Variants in RERE observed in about 807,000 individuals in gnomAD.
RERE encodes arginine-glutamic acid dipeptide repeats, also known as arginine-glutamic acid dipeptide repeats protein.
Under a neutral mutation model 146.1 loss-of-function variants are expected in RERE, and 40 were observed. The observed-to-expected ratio is 0.27, with a 90% CI of 0.21 to 0.36. The LOEUF (loss-of-function observed/expected upper bound fraction) is 0.36, where lower values mean the gene tolerates loss of function less well. Ranked by LOEUF, RERE falls within the 10% of genes least tolerant of loss-of-function variation. RERE has a pLI of 1.00. For missense variants in RERE, 1,933 were observed against 2,138.7 expected (o/e 0.90, Z 1.90); for synonymous variants, 1,003 against 866.0 (o/e 1.16, Z -2.78).
At position 8,679,389 on chromosome 1, in the gene RERE, T is replaced by C. The variant is rs1370746342; in HGVS notation, c.-144-22948A>G. 2.6e-5 allele frequency among the ~76,000 whole-genome samples: 4 copies of C among 152,164 alleles called. No homozygotes were observed. The East Asian group carries it at 7.7e-4, about 29-fold the overall frequency. On this transcript the variant is annotated intron_variant, in intron 1 of 22. Coordinates refer to ENST00000400908, the MANE Select transcript of RERE (RefSeq NM_001042681.2). ...CGAGGAAAAAAGAGCAAGAAACCAT[T>C]TTTTTCCACTACCTTTATCTATCAT...
At chr1:8,462,590 TCA>T (rs1644541319) in intron 11 of RERE, among the ~76,000 whole-genome samples, 1 of 152,246 alleles carries the variant, frequency 6.6e-6, no homozygotes, top group Non-Finnish European at 1.5e-5. Flanking sequence ...AGCAGGGAAC[TCA>T]CACCTTCAGG....
intron 1 of RERE, among the ~76,000 whole-genome samples, chr1:8,744,238 C>A (rs1640374610): frequency 6.6e-6 from 1 of 152,176 alleles, no homozygotes; most frequent in South Asian, 2.1e-4. Context: ...TGGGTGCTCA[C>A]GTACGTTTTA....
chr1:8,731,801 T>G (rs1640091657), intron 1 of RERE, among the ~76,000 whole-genome samples: 1 of 151,162 alleles, frequency 6.6e-6, no homozygotes, highest in Admixed American at 6.6e-5. Flanking sequence ...TGTTTGTTTG[T>G]TTGTTTTGTT....
At chr1:8,576,893 G>C (rs1646301203) in intron 4 of RERE, among the ~76,000 whole-genome samples, 1 of 152,178 alleles carries the variant, frequency 6.6e-6, no homozygotes, top group Non-Finnish European at 1.5e-5. Context: ...ATTTGTGCTG[G>C]GCACGGTGGC....
At chr1:8,378,535 C>T (rs892310050) in intron 12 of RERE, among the ~76,000 whole-genome samples, 18 of 152,084 alleles carry the variant, frequency 1.2e-4, no homozygotes, top group Non-Finnish European at 1.9e-4. Flanking sequence ...TAATCCAGTA[C>T]GACTGGTGTC....
At chr1:8,683,668 C>A (rs760375099) in intron 1 of RERE, among the ~76,000 whole-genome samples, 15 of 152,118 alleles carry the variant, frequency 9.9e-5, no homozygotes, top group Non-Finnish European at 2.1e-4. Context: ...ATTGACCAGG[C>A]GCAGTGGCTC....
intron 1 of RERE, among the ~76,000 whole-genome samples, chr1:8,803,394 C>T (rs12143686): frequency 0.52 from 78,978 of 151,832 alleles, 21,443 homozygotes; most frequent in East Asian, 0.83. Flanking sequence ...CGCTTGAACC[C>T]GGGAGGTGAA....
intron 12 of RERE, among the ~76,000 whole-genome samples, chr1:8,366,918 A>C (rs1392887764): frequency 6.0e-3 from 12 of 1,998 alleles, no homozygotes; most frequent in Non-Finnish European, 0.012. Flanking sequence ...AAAAAAAACA[A>C]AAAAAAAAAA....
intron 8 of RERE, among the ~76,000 whole-genome samples, chr1:8,498,764 CACACATAT>C (rs796219749): frequency 1.3e-5 from 2 of 149,406 alleles, no homozygotes; most frequent in African/African-American, 5.0e-5. Flanking sequence ...CACACACACA[CACACATAT>C]GTAGTTGAAT....
chr1:8,444,760 A>AC (rs1166939956), intron 11 of RERE, among the ~76,000 whole-genome samples: 2 of 151,324 alleles, frequency 1.3e-5, no homozygotes, highest in African/African-American at 2.4e-5. Flanking sequence ...TAGCAGCCCC[A>AC]CCCCCTTGCT....
At chr1:8,744,410 T>G (rs1640378847) in intron 1 of RERE, among the ~76,000 whole-genome samples, 1 of 152,196 alleles carries the variant, frequency 6.6e-6, no homozygotes, top group Admixed American at 6.5e-5. Flanking sequence ...CGTTTCACCT[T>G]TGTTTTTCCA....
intron 1 of RERE, chr1:8,786,530 C>T (rs1641262270): frequency 2.6e-6 from 2 of 782,896 alleles, no homozygotes; most frequent in Non-Finnish European, 2.3e-6. Flanking sequence ...ATATATGGCT[C>T]TACAATCCTC....
chr1:8,756,751 G>T (rs564096013), intron 1 of RERE, among the ~76,000 whole-genome samples: 2 of 152,238 alleles, frequency 1.3e-5, no homozygotes, highest in South Asian at 4.1e-4. Flanking sequence ...ACTGAATCTT[G>T]TTAGTTTCAG....
intron 16 of RERE, 109 bp downstream of exon 16, chr1:8,362,574 T>G (rs542275954): frequency 1.1e-5 from 16 of 1,399,406 alleles, no homozygotes; most frequent in Non-Finnish European, 1.5e-5. Context: ...ACAGGCTCCA[T>G]GAATGAGCTG....
chr1:8,507,737 CTTTTTTT>C (rs58647657), intron 8 of RERE, among the ~76,000 whole-genome samples: 4 of 85,958 alleles, frequency 4.7e-5, no homozygotes, highest in African/African-American at 1.0e-4. Context: ...CATCTTTTAT[CTTTTTTT>C]TTTTTTTTTT....
At chr1:8,586,328 G>A (rs1646427919) in intron 4 of RERE, among the ~76,000 whole-genome samples, 1 of 152,180 alleles carries the variant, frequency 6.6e-6, no homozygotes, top group South Asian at 2.1e-4. Flanking sequence ...GAATTCCTTA[G>A]GGAAAGAAGG....
chr1:8,451,127 T>C (rs534574568), intron 11 of RERE, among the ~76,000 whole-genome samples: 1 of 152,182 alleles, frequency 6.6e-6, no homozygotes, highest in Non-Finnish European at 1.5e-5. Flanking sequence ...ATGTCAACAA[T>C]GCAGTCAATA....
At chr1:8,453,267 G>A (rs1323982962) in intron 11 of RERE, among the ~76,000 whole-genome samples, 1 of 152,150 alleles carries the variant, frequency 6.6e-6, no homozygotes, top group Non-Finnish European at 1.5e-5. Flanking sequence ...CTAAAGGACT[G>A]GAGAATTTCA....
intron 1 of RERE, among the ~76,000 whole-genome samples, chr1:8,685,856 T>A (rs1639074609): frequency 6.6e-6 from 1 of 152,200 alleles, no homozygotes; most frequent in African/African-American, 2.4e-5. Context: ...AGAGTTCCAT[T>A]TAGACATGTT....
Sources: allele counts gnomAD v4.1 joint callset (sites outside exome capture counted in the v4.1 genomes callset), GRCh38; gene constraint gnomAD v4.1.1; transcripts MANE v1.5; gene names NCBI Gene and HGNC (gene_info 2026-07-23, HGNC 2026-07-21).